NCOA2: variants seen among roughly 807,000 people sequenced by gnomAD.
NCOA2 encodes the protein nuclear receptor coactivator 2, also known as class E basic helix-loop-helix protein 75.
In NCOA2, 21 loss-of-function variants were observed where a neutral mutation model predicts 145.1. The ratio of observed to expected loss-of-function variants is 0.14; its 90% confidence interval spans 0.10 to 0.21. The LOEUF is 0.21. NCOA2 is among the 10% of genes least tolerant of loss of function. The pLI, the probability that NCOA2 is intolerant of heterozygous loss-of-function variation, is 1.00. For missense variants in NCOA2, 1,472 were observed against 1,837.6 expected (o/e 0.80, Z 3.64); for synonymous variants, 619 against 637.5 (o/e 0.97, Z 0.44).
chr8:70,131,907 A>T lies in NCOA2; in HGVS notation c.3254T>A (p.Leu1085Gln). Residue 1085 changes from leucine (L) to glutamine (Q), a missense_variant, in exon 16 of 23, where the codon CTG (leucine) becomes CAG (glutamine). By Grantham distance (113) the Leu-to-Gln change is moderately radical. Around this residue, in one of 4 missense-constraint regions of NCOA2, gnomAD observed 953 missense variants for 1,062.1 expected, o/e 0.90. Transcript: ENST00000452400. ...DEGALLDQLY[L>Q]ALRNFDGLEE... ...CAGGCCATCAAAATTCCGCAAGGCC[A>T]GATACAGCTGGTCCAGGAGAGCTCC... is the stretch of plus-strand genomic sequence containing the variant. The T allele has an allele frequency of 6.2e-7, 1 of 1,607,748 alleles. No individual in the cohort carries two copies. The highest frequency in any genetic ancestry group is 8.5e-7 in the Non-Finnish European group (1 of 1,177,238).
intron 1 of NCOA2, among the ~76,000 whole-genome samples, chr8:70,320,554 T>C (rs1805960862): frequency 6.6e-6 from 1 of 152,084 alleles, no homozygotes; most frequent in South Asian, 2.1e-4. Flanking sequence ...TGTTCCAATA[T>C]GAATAAAAAG....
At chr8:70,317,796 A>T (rs1287112503) in intron 1 of NCOA2, among the ~76,000 whole-genome samples, 1 of 152,170 alleles carries the variant, frequency 6.6e-6, no homozygotes, top group Non-Finnish European at 1.5e-5. Flanking sequence ...ACAGTGGCTC[A>T]TACCTGTAAT....
At chr8:70,122,981 G>A (rs1325652743) in intron 21 of NCOA2, among the ~76,000 whole-genome samples, 1 of 152,152 alleles carries the variant, frequency 6.6e-6, no homozygotes, top group Non-Finnish European at 1.5e-5. Flanking sequence ...GAGGATCAGT[G>A]GTAGAGTGGT....
At chr8:70,440,602 G>GGAAAGAAAGAAAGAGAGAGCGAGA in the NCOA2 span, among the ~76,000 whole-genome samples, 1 of 144,354 alleles carries the variant, frequency 6.9e-6, no homozygotes, top group Non-Finnish European at 1.5e-5. Context: ...AAGGAAGGAA[G>GGAAAGAAAGAAAGAGAGAGCGAGA]GAAAGAAAGA....
intron 1 of NCOA2, among the ~76,000 whole-genome samples, chr8:70,337,231 G>GTGTGTGT (rs10678954): frequency 6.7e-6 from 1 of 149,844 alleles, no homozygotes; most frequent in African/African-American, 2.5e-5. Flanking sequence ...GTGTGTGTGT[G>GTGTGTGT]GTGTAACACA....
At chr8:70,377,204 A>C (rs755743142) in intron 1 of NCOA2, among the ~76,000 whole-genome samples, 2 of 150,232 alleles carry the variant, frequency 1.3e-5, no homozygotes, top group Non-Finnish European at 2.9e-5. Context: ...AAATATCTCT[A>C]CTAATTCTTA....
chr8:70,192,553 G>A (rs1816805330), intron 4 of NCOA2, among the ~76,000 whole-genome samples: 1 of 152,178 alleles, frequency 6.6e-6, no homozygotes, highest in South Asian at 2.1e-4. Context: ...GGTATTTCAT[G>A]GCAGTGGAGG....
In NCOA2 at chr8:70,163,486, T is replaced by C; in HGVS notation, c.811A>G (p.Thr271Ala). The change falls in exon 8 of 23, where the codon ACT becomes GCT. Residue 271 changes from threonine (T) to alanine (A), a missense_variant. By Grantham distance (58) the Thr-to-Ala change is moderately conservative. Coordinates refer to ENST00000452400, the MANE Select transcript of NCOA2 (RefSeq NM_006540.4). ...RPVLPSSESFTTRQDLQGKIT... is the reference protein window; with the variant it reads ...RPVLPSSESFATRQDLQGKIT... ...TTACCTTGGAGATCCTGGCGAGTAG[T>C]AAAACTTTCTGATGAGGGAAGAACT... is the stretch of plus-strand genomic sequence containing the variant. 6.2e-7 allele frequency: 1 copy of C among 1,613,774 alleles called. No individual in the cohort carries two copies. Among genetic ancestry groups the C allele is most frequent in the Non-Finnish European group, 8.5e-7 (1 of 1,179,722 alleles).
At chr8:70,182,459 C>T (rs1034648940) in intron 4 of NCOA2, among the ~76,000 whole-genome samples, 3 of 152,162 alleles carry the variant, frequency 2.0e-5, no homozygotes, top group African/African-American at 7.2e-5. Flanking sequence ...GTTTGAAATA[C>T]ACAGGCCTAC....
intron 4 of NCOA2, among the ~76,000 whole-genome samples, chr8:70,194,226 A>G (rs759830738): frequency 6.6e-6 from 1 of 152,238 alleles, no homozygotes; most frequent in Non-Finnish European, 1.5e-5. Context: ...AATCTAATAA[A>G]TTCATTTTCT....
At chr8:70,419,272 G>T in the NCOA2 span, among the ~76,000 whole-genome samples, 1 of 151,862 alleles carries the variant, frequency 6.6e-6, no homozygotes, top group Non-Finnish European at 1.5e-5. Context: ...TCTTTAGTCT[G>T]CTCACTCCTA....
chr8:70,376,193 A>G (rs1306814794), intron 1 of NCOA2, among the ~76,000 whole-genome samples: 1 of 152,326 alleles, frequency 6.6e-6, no homozygotes, highest in South Asian at 2.1e-4. Flanking sequence ...CAATTTTACA[A>G]TACTCACCAG....
intron 2 of NCOA2, among the ~76,000 whole-genome samples, chr8:70,259,580 G>T (rs1344816273): frequency 6.6e-6 from 1 of 152,154 alleles, no homozygotes; most frequent in Non-Finnish European, 1.5e-5. Context: ...ACATGGAAGA[G>T]AAATTACTAT....
intron 12 of NCOA2, among the ~76,000 whole-genome samples, chr8:70,145,237 A>C (rs1479303948): frequency 1.3e-5 from 2 of 152,130 alleles, no homozygotes; most frequent in African/African-American, 4.8e-5. Context: ...GGCTCATTAC[A>C]ACCTCTGCCT....
the NCOA2 span, among the ~76,000 whole-genome samples, chr8:70,435,375 G>A: frequency 5.2e-5 from 7 of 135,864 alleles, no homozygotes; most frequent in East Asian, 1.4e-3. Context: ...CAGTGAGCCG[G>A]GATAGCGCCA....
intron 1 of NCOA2, among the ~76,000 whole-genome samples, chr8:70,326,429 T>TCACACACA (rs56218328): frequency 4.0e-5 from 6 of 149,140 alleles, no homozygotes; most frequent in African/African-American, 9.9e-5. Context: ...TTTCTCTCTC[T>TCACACACA]CACACACACA....
chr8:70,262,603 A>C (rs1445382065), intron 2 of NCOA2, among the ~76,000 whole-genome samples: 2 of 152,232 alleles, frequency 1.3e-5, no homozygotes, highest in Non-Finnish European at 2.9e-5. Flanking sequence ...CAACAAGTGG[A>C]ATACCAACTT....
the NCOA2 span, among the ~76,000 whole-genome samples, chr8:70,446,373 A>G: frequency 6.6e-6 from 1 of 152,140 alleles, no homozygotes; most frequent in Admixed American, 6.5e-5. Flanking sequence ...AGGACTGTGG[A>G]AGAATATAGG....
intron 1 of NCOA2, among the ~76,000 whole-genome samples, chr8:70,341,564 T>A (rs1808144799): frequency 2.0e-5 from 3 of 152,224 alleles, no homozygotes; most frequent in Admixed American, 1.3e-4. Flanking sequence ...TTGGTAAAAC[T>A]GTCTTGCAAT....
Sources: gnomAD v4.1 joint callset for allele counts (sites outside exome capture counted in the v4.1 genomes callset) on GRCh38, gnomAD v4.1.1 for gene constraint, gnomAD v4.1.1 regional missense constraint, MANE v1.5 for transcripts, NCBI Gene and HGNC (gene_info 2026-07-23, HGNC 2026-07-21) for gene names.